VAV3: variants seen among roughly 807,000 people sequenced by gnomAD.
VAV3 encodes guanine nucleotide exchange factor VAV3.
VAV3 carries 94 observed loss-of-function variants against 131.2 expected under a neutral mutation model. The ratio of observed to expected loss-of-function variants is 0.72; its 90% confidence interval spans 0.61 to 0.85. The LOEUF (loss-of-function observed/expected upper bound fraction) is 0.85, where lower values mean the gene tolerates loss of function less well. Among genes scored for constraint, VAV3 ranks in the 40% least tolerant of loss-of-function variants. The pLI, the probability that VAV3 is intolerant of heterozygous loss-of-function variation, is 0.00. For missense variants in VAV3, 939 were observed against 1,002.7 expected, an observed-to-expected ratio of 0.94 and a Z score of 0.86; for synonymous variants, 349 against 342.0, an observed-to-expected ratio of 1.02 and a Z score of -0.22.
At chr1:107,943,567 C>T (rs1029611287) in intron 1 of VAV3, among the ~76,000 whole-genome samples, 3 of 152,134 alleles carry the variant, frequency 2.0e-5, no homozygotes, top group African/African-American at 4.8e-5. Context: ...CATGGTGAAA[C>T]CCCATCTCTA....
intron 12 of VAV3, among the ~76,000 whole-genome samples, chr1:107,752,065 T>C (rs1340195175): frequency 2.6e-5 from 4 of 152,186 alleles, no homozygotes; most frequent in African/African-American, 4.8e-5. Context: ...GCTGGAAGTC[T>C]CATACTTACT....
At chr1:107,776,047 C>G (rs554551706) in intron 4 of VAV3, among the ~76,000 whole-genome samples, 1 of 152,178 alleles carries the variant, frequency 6.6e-6, no homozygotes, top group African/African-American at 2.4e-5. Flanking sequence ...AGTTTTCTCA[C>G]TTTTAAACTG....
At chr1:107,632,529 C>T (rs2101403477) in intron 20 of VAV3, among the ~76,000 whole-genome samples, 1 of 152,292 alleles carries the variant, frequency 6.6e-6, no homozygotes, top group South Asian at 2.1e-4. Context: ...CATTTGCTGG[C>T]TAAAAATTCT....
chr1:107,638,171 T>C (rs918052843), intron 20 of VAV3, among the ~76,000 whole-genome samples: 7 of 152,212 alleles, frequency 4.6e-5, no homozygotes, highest in Non-Finnish European at 1.0e-4. Flanking sequence ...TACTCTCTCA[T>C]GACTTCTATT....
chr1:107,611,655 A>C (rs1183540449), intron 21 of VAV3, among the ~76,000 whole-genome samples: 1 of 152,040 alleles, frequency 6.6e-6, no homozygotes, highest in Non-Finnish European at 1.5e-5. Context: ...GAGAGTAAAG[A>C]ATTTCAAAAT....
intron 18 of VAV3, among the ~76,000 whole-genome samples, chr1:107,684,773 T>C (rs189567617): frequency 1.3e-3 from 191 of 152,300 alleles, no homozygotes; most frequent in African/African-American, 4.5e-3. Flanking sequence ...TCTAGATTTG[T>C]TGGTAGCCAA....
At chr1:107,630,956 G>C (rs1227533287) in intron 20 of VAV3, among the ~76,000 whole-genome samples, 1 of 152,106 alleles carries the variant, frequency 6.6e-6, no homozygotes, top group Non-Finnish European at 1.5e-5. Context: ...CATATGTCCA[G>C]TCTATGAAAC....
intron 20 of VAV3, among the ~76,000 whole-genome samples, chr1:107,621,163 C>A (rs1288476446): frequency 6.6e-5 from 10 of 151,540 alleles, no homozygotes; most frequent in Non-Finnish European, 2.9e-5. Context: ...ACTAAACAGG[C>A]TGCCAATGTC....
intron 22 of VAV3, among the ~76,000 whole-genome samples, chr1:107,607,044 T>A (rs763261986): frequency 6.7e-6 from 1 of 149,260 alleles, no homozygotes; most frequent in Non-Finnish European, 1.5e-5. Context: ...AACCTCCACC[T>A]CCAGGGTTCA....
At chr1:107,832,334 G>A (rs573339966) in intron 2 of VAV3, among the ~76,000 whole-genome samples, 42 of 152,320 alleles carry the variant, frequency 2.8e-4, no homozygotes, top group African/African-American at 9.6e-4. Context: ...TGAACAAGCA[G>A]GTGCCTGGAG....
intron 19 of VAV3, among the ~76,000 whole-genome samples, chr1:107,651,410 T>A (rs1169292774): frequency 6.6e-6 from 1 of 151,952 alleles, no homozygotes; most frequent in Non-Finnish European, 1.5e-5. Context: ...CTATAGCACC[T>A]TTTTTTTGTG....
intron 2 of VAV3, among the ~76,000 whole-genome samples, chr1:107,825,035 T>A (rs568379268): frequency 6.6e-6 from 1 of 152,278 alleles, no homozygotes; most frequent in African/African-American, 2.4e-5. Context: ...TGTCTTAACA[T>A]TTTGTAAATA....
chr1:107,875,042 G>A, intron 1 of VAV3, 25 bp from the exon 2 acceptor site: 1 of 1,585,992 alleles, frequency 6.3e-7, no homozygotes, highest in Non-Finnish European at 8.7e-7. Context: ...AGAGCTGTTA[G>A]CATAAAGTTA....
At chr1:107,810,007 T>A (rs757291245) in intron 2 of VAV3, among the ~76,000 whole-genome samples, 1 of 152,218 alleles carries the variant, frequency 6.6e-6, no homozygotes, top group African/African-American at 2.4e-5. Flanking sequence ...GTTATAAATG[T>A]TTCTAGAAGT....
At chr1:107,810,789 T>C (rs1164399341) in intron 2 of VAV3, among the ~76,000 whole-genome samples, 1 of 151,024 alleles carries the variant, frequency 6.6e-6, no homozygotes, top group Non-Finnish European at 1.5e-5. Context: ...CATCCCACAA[T>C]GAACAGTAAG....
At chr1:107,896,275 A>C (rs912476292) in intron 1 of VAV3, among the ~76,000 whole-genome samples, 11 of 152,306 alleles carry the variant, frequency 7.2e-5, no homozygotes, top group South Asian at 2.1e-4. Context: ...ACACAGACTT[A>C]CTTTGAGCAA....
intron 25 of VAV3, among the ~76,000 whole-genome samples, 189 bp from the exon 26 acceptor site, chr1:107,574,387 G>A (rs555575979): frequency 9.7e-4 from 148 of 152,246 alleles, no homozygotes; most frequent in African/African-American, 3.1e-3. Context: ...AAGCAAATTC[G>A]CTTCATAAGT....
At chr1:107,800,578 T>C (rs1344390327) in intron 2 of VAV3, among the ~76,000 whole-genome samples, 2 of 152,200 alleles carry the variant, frequency 1.3e-5, no homozygotes, top group African/African-American at 4.8e-5. Context: ...TGCAGATTTG[T>C]TACATGGGAA....
intron 25 of VAV3, among the ~76,000 whole-genome samples, chr1:107,575,836 T>G (rs1486721399): frequency 6.6e-6 from 1 of 152,192 alleles, no homozygotes; most frequent in African/African-American, 2.4e-5. Flanking sequence ...AGACTTTATC[T>G]AATGTATACC....
Sources: allele counts gnomAD v4.1 joint callset (sites outside exome capture counted in the v4.1 genomes callset), GRCh38; gene constraint gnomAD v4.1.1; transcripts MANE v1.5; gene names NCBI Gene and HGNC (gene_info 2026-07-23, HGNC 2026-07-21).